The following LSAMP variants were observed in gnomAD, a reference collection of about 807,000 sequenced individuals.
The protein encoded by LSAMP is limbic system-associated membrane protein.
A neutral mutation model predicts 38.6 loss-of-function variants in LSAMP; 7 were observed. That is an observed-to-expected ratio of 0.18 (90% CI 0.10 to 0.34). LSAMP has a LOEUF of 0.34. Ranked by LOEUF, LSAMP falls within the 10% of genes least tolerant of loss-of-function variation. The probability of loss-of-function intolerance (pLI) is 1.00; values close to 1 mark genes in which losing one functional copy is unlikely to be tolerated. For synonymous variants in LSAMP, 154 were observed against 166.8 expected (o/e 0.92, Z 0.59); for missense variants, 313 against 420.0 (o/e 0.75, Z 2.23).
chr3:115,923,387 C>G (rs6769303), intron 3 of LSAMP, among the ~76,000 whole-genome samples: 8,292 of 152,202 alleles, frequency 0.054, 771 homozygotes, highest in African/African-American at 0.19. Flanking sequence ...TTGAGTGCAT[C>G]TATTTTTGGC....
intron 2 of LSAMP, among the ~76,000 whole-genome samples, chr3:116,050,814 T>C (rs1941383639): frequency 6.6e-6 from 1 of 152,202 alleles, no homozygotes; most frequent in Non-Finnish European, 1.5e-5. Context: ...TGAAATTCTG[T>C]CTTTTTTCCA....
intron 3 of LSAMP, among the ~76,000 whole-genome samples, chr3:115,896,774 G>A (rs1936738759): frequency 6.6e-6 from 1 of 152,010 alleles, no homozygotes; most frequent in Admixed American, 6.6e-5. Flanking sequence ...TTTTACATGT[G>A]GTCCGCACAT....
chr3:116,131,806 T>G (rs1576382962), intron 1 of LSAMP, among the ~76,000 whole-genome samples: 1 of 151,880 alleles, frequency 6.6e-6, no homozygotes, highest in African/African-American at 2.4e-5. Context: ...CCTATAACAG[T>G]AGCCTCCTAA....
chr3:116,303,255 T>TAAAG (rs760393263), intron 1 of LSAMP, among the ~76,000 whole-genome samples: 6 of 152,092 alleles, frequency 3.9e-5, no homozygotes, highest in Admixed American at 3.3e-4. Context: ...TTGGGAGAAA[T>TAAAG]AAAGATTTTT....
chr3:116,437,263 AG>A (rs913449048), intron 1 of LSAMP, among the ~76,000 whole-genome samples: 1 of 151,948 alleles, frequency 6.6e-6, no homozygotes, highest in Non-Finnish European at 1.5e-5. Flanking sequence ...ACTTGGGGGA[AG>A]GGGGGCGAGG....
intron 1 of LSAMP, among the ~76,000 whole-genome samples, chr3:116,207,092 A>G (rs2046080354): frequency 1.3e-5 from 2 of 152,162 alleles, no homozygotes; most frequent in Admixed American, 6.5e-5. Flanking sequence ...GTGCTACTGT[A>G]TTGGGTGCAT....
intron 1 of LSAMP, among the ~76,000 whole-genome samples, chr3:116,227,606 C>A (rs1576446396): frequency 6.6e-6 from 1 of 150,778 alleles, no homozygotes; most frequent in Admixed American, 6.6e-5. Context: ...CTTTTCTTAC[C>A]CTTCTCCATT....
At chr3:116,182,541 C>T (rs1710511351) in intron 1 of LSAMP, among the ~76,000 whole-genome samples, 1 of 151,554 alleles carries the variant, frequency 6.6e-6, no homozygotes, top group Admixed American at 6.6e-5. Context: ...AGATGGGACT[C>T]AATTTTTTCA....
chr3:116,045,884 G>A (rs576095891), intron 2 of LSAMP, among the ~76,000 whole-genome samples: 33 of 152,264 alleles, frequency 2.2e-4, no homozygotes, highest in Non-Finnish European at 3.8e-4. Flanking sequence ...TGGCATCTCT[G>A]TTAAGGAAAT....
intron 1 of LSAMP, among the ~76,000 whole-genome samples, chr3:116,162,699 T>C (rs1339945114): frequency 2.6e-5 from 4 of 151,274 alleles, no homozygotes; most frequent in African/African-American, 4.9e-5. Context: ...TCTCTCTATA[T>C]ATATATAAAG....
intron 6 of LSAMP, among the ~76,000 whole-genome samples, chr3:115,826,680 C>T (rs184787098): frequency 1.3e-5 from 2 of 152,198 alleles, no homozygotes; most frequent in Admixed American, 1.3e-4. Flanking sequence ...TGAATGGTGT[C>T]GTCAAGATAT....
At chr3:116,175,807 G>C (rs779588516) in intron 1 of LSAMP, among the ~76,000 whole-genome samples, 6 of 152,040 alleles carry the variant, frequency 3.9e-5, no homozygotes, top group Non-Finnish European at 7.4e-5. Context: ...TCTATGCTAA[G>C]AAGCAGAGCC....
chr3:115,841,688 A>G lies in LSAMP; in HGVS notation c.919+157T>C, dbSNP rs534874166. 217 of 643,318 alleles carry G rather than the reference A, an allele frequency of 3.4e-4. 1 individual carries two copies. Among genetic ancestry groups the G allele is most frequent in the Admixed American group, 2.2e-3 (61 of 28,096 alleles). 39.9% of individuals were successfully genotyped at this position (643,318 alleles called of 1,614,324 possible). ...GTTGTTCCATTTATAAATCTCTGCTATGCACAGGAGTTGAGAACCCTGTAT... is the reference window on the plus strand; with the variant it reads ...GTTGTTCCATTTATAAATCTCTGCTGTGCACAGGAGTTGAGAACCCTGTAT... On this transcript the variant is annotated intron_variant, in intron 6 of 6. Transcript: ENST00000490035.
chr3:115,834,562 C>T, intron 6 of LSAMP: 5 of 1,282,072 alleles, frequency 3.9e-6, no homozygotes, highest in Non-Finnish European at 5.1e-6. Flanking sequence ...TCATACTGAC[C>T]TTGAATGGGG....
At chr3:115,912,581 G>C (rs959448767) in intron 3 of LSAMP, among the ~76,000 whole-genome samples, 1 of 152,298 alleles carries the variant, frequency 6.6e-6, no homozygotes, top group South Asian at 2.1e-4. Context: ...ATACTGTGTT[G>C]CGTCATTGCA....
intron 3 of LSAMP, among the ~76,000 whole-genome samples, chr3:116,008,064 C>CT (rs569595728): frequency 2.0e-3 from 297 of 152,278 alleles, no homozygotes; most frequent in Middle Eastern, 3.4e-3. Context: ...GAAGTTAGTT[C>CT]TTTCTACTAT....
chr3:116,310,605 A>G (rs1433521011), intron 1 of LSAMP, among the ~76,000 whole-genome samples: 1 of 152,170 alleles, frequency 6.6e-6, no homozygotes, highest in Non-Finnish European at 1.5e-5. Flanking sequence ...AAGATTCTTA[A>G]TTATTCCAGA....
intron 1 of LSAMP, among the ~76,000 whole-genome samples, chr3:116,231,673 C>T (rs373244433): frequency 3.9e-5 from 6 of 152,100 alleles, no homozygotes; most frequent in African/African-American, 1.4e-4. Context: ...GGCTCTGGCA[C>T]TTGGAGTAAA....
rs185736044 is a variant in LSAMP at position 116,384,937 on chromosome 3, G to A, written c.155+59940C>T. Among the ~76,000 whole-genome samples, 372 of 148,390 alleles carry A rather than the reference G, an allele frequency of 2.5e-3. 1 individual carries two copies. The highest frequency in any genetic ancestry group is 2.1e-3 in the Non-Finnish European group (141 of 67,462). ...AAAAGCTGTATGTCAAAACAACACC[G>A]ACTAGAATACGTGAAATGAATTATT... is the stretch of plus-strand genomic sequence containing the variant. On this transcript the variant is annotated intron_variant, in intron 1 of 6. Transcript: ENST00000490035.
Sources: allele counts gnomAD v4.1 joint callset (sites outside exome capture counted in the v4.1 genomes callset), GRCh38; gene constraint gnomAD v4.1.1; transcripts MANE v1.5; gene names NCBI Gene and HGNC (gene_info 2026-07-23, HGNC 2026-07-21).